SV2B: variants seen among roughly 807,000 people sequenced by gnomAD.
SV2B encodes the protein synaptic vesicle glycoprotein 2B, also known as solute carrier family 22 member B2.
SV2B carries 41 observed loss-of-function variants against 73.9 expected under a neutral mutation model. That is an observed-to-expected ratio of 0.56 (90% CI 0.43 to 0.72). The LOEUF is 0.72. Among genes scored for constraint, SV2B ranks in the 30% least tolerant of loss-of-function variants. The pLI is 0.00. For synonymous variants in SV2B, 314 were observed against 314.2 expected (o/e 1.00, Z 0.01); for missense variants, 764 against 857.8 (o/e 0.89, Z 1.37).
At chr15:91,127,897 CT>C (rs1291905968) in intron 1 of SV2B, among the ~76,000 whole-genome samples, 1 of 152,152 alleles carries the variant, frequency 6.6e-6, no homozygotes, top group East Asian at 1.9e-4. Context: ...TTGAGCTTTT[CT>C]TTTCTTTTTC....
intron 2 of SV2B, among the ~76,000 whole-genome samples, chr15:91,235,832 C>A (rs528795052): frequency 6.6e-6 from 1 of 152,074 alleles, no homozygotes; most frequent in African/African-American, 2.4e-5. Flanking sequence ...ATATGTGGAG[C>A]TTGTGTAGAT....
At chr15:91,163,138 C>T (rs2043785878) in intron 1 of SV2B, among the ~76,000 whole-genome samples, 2 of 152,118 alleles carry the variant, frequency 1.3e-5, no homozygotes, top group Admixed American at 6.5e-5. Context: ...GTATATGTGC[C>T]ACATTTTCTT....
chr15:91,266,781 C>G, intron 7 of SV2B, 89 bp downstream of exon 7: 1 of 1,089,920 alleles, frequency 9.2e-7, no homozygotes, highest in South Asian at 1.5e-5. Context: ...CTGAACATCC[C>G]CACCAACCTG....
chr15:91,272,149 G>A (rs1224445052), intron 9 of SV2B, among the ~76,000 whole-genome samples: 1 of 152,126 alleles, frequency 6.6e-6, no homozygotes, highest in African/African-American at 2.4e-5. Flanking sequence ...TTGGGGATCT[G>A]GGGGCTCTGA....
rs373282858 is a variant in SV2B at position 91,248,489 on chromosome 15, A to G, written c.452-3330A>G. On this transcript the variant is annotated intron_variant, in intron 2 of 12. Transcript: ENST00000394232. ...ATTAATTTAAAATTAATGAATGGGA[A>G]GGCAACTTGGAGATCATCTCTAGTT... Among the ~76,000 whole-genome samples the G allele has an allele frequency of 7.9e-5, 12 of 152,338 alleles. No individual in the cohort carries two copies. In the East Asian group the frequency reaches 1.9e-3, roughly 24 times the overall value.
rs146774908 is a variant in SV2B, at chr15:91,128,122, C to A, written c.-392+27759C>A. 7.7e-3 allele frequency among the ~76,000 whole-genome samples: 1,168 copies of A among 152,288 alleles called. 9 individuals carry two copies. The highest frequency in any genetic ancestry group is 0.012 in the Non-Finnish European group (843 of 68,010). On this transcript the variant is annotated intron_variant, in intron 1 of 12. Transcript: ENST00000394232. This position sits in a 1 kb window ranked among gnomAD's most constrained non-coding sequence, Gnocchi z 4.2. ...GACTCAAATTAAATCTGGGATTGTG[C>A]AGAAACTGTGTTTCCACCCTCTGGG...
intron 1 of SV2B, among the ~76,000 whole-genome samples, chr15:91,112,738 A>G (rs1295034809): frequency 6.6e-6 from 1 of 152,226 alleles, no homozygotes; most frequent in African/African-American, 2.4e-5. Flanking sequence ...TTAAAGACAT[A>G]TTACAGACCA....
intron 1 of SV2B, among the ~76,000 whole-genome samples, chr15:91,164,012 A>G (rs4332726): frequency 0.47 from 71,413 of 151,938 alleles, 17,094 homozygotes; most frequent in East Asian, 0.7. Context: ...ACCATTTATT[A>G]AATAGGGAAT....
intron 1 of SV2B, among the ~76,000 whole-genome samples, chr15:91,120,673 G>T (rs1310508999): frequency 2.0e-5 from 3 of 151,952 alleles, no homozygotes; most frequent in African/African-American, 7.3e-5. Context: ...AATTAGCCAG[G>T]TGTGGTGGCA....
rs1156240251 is a variant in SV2B, at chr15:91,294,730, G to A, written c.*2178G>A. On this transcript the variant is annotated 3_prime_UTR_variant, in exon 13 of 13. Transcript: ENST00000394232. This position sits in a 1 kb window ranked among gnomAD's most constrained non-coding sequence, Gnocchi z 4.1. ...TGCATTTCTAGTTAAGATGGATCTT[G>A]TAAATTTAAAATTGGATTAACATTG... The A allele has an allele frequency of 6.6e-6, 1 of 152,226 alleles. No individual in the cohort carries two copies. Among genetic ancestry groups the A allele is most frequent in the African/African-American group, 2.4e-5 (1 of 41,462 alleles). The allele number at this position is 152,226 out of a possible 1,614,324, so 9.4% of individuals were successfully genotyped here. A position where few individuals can be genotyped will look rare whatever the true frequency, so the allele number is the denominator to read the frequency against.
chr15:91,268,328 C>A lies in SV2B; in HGVS notation c.1209-113C>A. 1 of 1,097,174 alleles carries A rather than the reference C, an allele frequency of 9.1e-7. No individual in the cohort carries two copies. Among genetic ancestry groups the A allele is most frequent in the South Asian group, 2.2e-5 (1 of 46,200 alleles). 68.0% of individuals were successfully genotyped at this position (1,097,174 alleles called of 1,614,324 possible). On this transcript the variant is annotated intron_variant, in intron 8 of 12. Transcript: ENST00000394232. The surrounding 1 kb of genome is among the most constrained non-coding windows in gnomAD (Gnocchi z 4.4). Reference sequence around the variant, plus strand: ...TATTGTCAGATTTTCTAATAATGAACCAAATTAATGTATTTTCAATGAGTT... The same window carrying A: ...TATTGTCAGATTTTCTAATAATGAAACAAATTAATGTATTTTCAATGAGTT...
At position 91,130,191 on chromosome 15, in the gene SV2B, T is replaced by TG. The variant is rs1387086155; in HGVS notation, c.-392+29832dup. On this transcript the variant is annotated intron_variant, in intron 1 of 12. Coordinates refer to ENST00000394232, the MANE Select transcript of SV2B (RefSeq NM_001323032.3). The surrounding 1 kb of genome is among the most constrained non-coding windows in gnomAD (Gnocchi z 5.6). ...GCTAGGACTTGGCAAGTCTAGGAAG[T>TG]GGGGCTGAGGAGAGTGAGAGGAGTG... Among the ~76,000 whole-genome samples the TG allele has an allele frequency of 6.6e-6, 1 of 151,994 alleles. No individual in the cohort carries two copies. The highest frequency in any genetic ancestry group is 2.4e-5 in the African/African-American group (1 of 41,388).
intron 1 of SV2B, among the ~76,000 whole-genome samples, chr15:91,108,516 T>C (rs2041951399): frequency 6.6e-6 from 1 of 152,250 alleles, no homozygotes. Flanking sequence ...GTAGGCACAC[T>C]ATACGTATTT....
chr15:91,248,203 C>T (rs980650226), intron 2 of SV2B, among the ~76,000 whole-genome samples: 2 of 152,138 alleles, frequency 1.3e-5, no homozygotes, highest in African/African-American at 4.8e-5. Context: ...CGCCTGTAGT[C>T]CCAGCTACTA....
At chr15:91,101,188 C>T (rs2041712957) in intron 1 of SV2B, among the ~76,000 whole-genome samples, 2 of 152,020 alleles carry the variant, frequency 1.3e-5, no homozygotes, top group Admixed American at 1.3e-4. Context: ...GGCTTTCTAG[C>T]CCTTGGGGAG....
chr15:91,182,386 C>T (rs888507966), intron 1 of SV2B, among the ~76,000 whole-genome samples: 6 of 152,118 alleles, frequency 3.9e-5, no homozygotes, highest in African/African-American at 7.2e-5. Flanking sequence ...GTTGAATGCA[C>T]GCATGCATGA....
chr15:91,202,321 A>G (rs2045488648), intron 1 of SV2B, among the ~76,000 whole-genome samples: 1 of 152,252 alleles, frequency 6.6e-6, no homozygotes, highest in Admixed American at 6.5e-5. Flanking sequence ...AGTGCTAAGA[A>G]TAGTGCTTAG....
rs1379334748 is a variant in SV2B, at chr15:91,129,244, C to T, written c.-392+28881C>T. Among the ~76,000 whole-genome samples, 3 of 152,198 alleles carry T rather than the reference C, an allele frequency of 2.0e-5. No individual in the cohort carries two copies. The highest frequency in any genetic ancestry group is 4.4e-5 in the Non-Finnish European group (3 of 68,048). ...AATGAGTAGGTCAAAGATATCCAACCTTAAGAAAGTTAGAGTCAAGTGGGT... is the reference window on the plus strand; with the variant it reads ...AATGAGTAGGTCAAAGATATCCAACTTTAAGAAAGTTAGAGTCAAGTGGGT... On this transcript the variant is annotated intron_variant, in intron 1 of 12. Transcript: ENST00000394232. This position sits in a 1 kb window ranked among gnomAD's most constrained non-coding sequence, Gnocchi z 5.1.
At chr15:91,215,036 A>AC (rs1013431910) in intron 1 of SV2B, among the ~76,000 whole-genome samples, 4 of 152,156 alleles carry the variant, frequency 2.6e-5, no homozygotes, top group African/African-American at 7.2e-5. Context: ...TAGCTATCCC[A>AC]CATCCGGAGC....
Sources: allele counts gnomAD v4.1 joint callset (sites outside exome capture counted in the v4.1 genomes callset), GRCh38; gene constraint gnomAD v4.1.1; non-coding constraint Gnocchi (gnomAD v3.1); transcripts MANE v1.5; gene names NCBI Gene and HGNC (gene_info 2026-07-23, HGNC 2026-07-21).